The following BCKDHB variants were observed in gnomAD, a reference collection of about 807,000 sequenced individuals.
The protein encoded by BCKDHB is branched chain keto acid dehydrogenase E1 subunit beta, also known as 2-oxoisovalerate dehydrogenase subunit beta, mitochondrial.
In BCKDHB, 41 loss-of-function variants were observed where a neutral mutation model predicts 48.5. The observed-to-expected ratio is 0.85, with a 90% CI of 0.66 to 1.10. The LOEUF is 1.10. Among genes scored for constraint, BCKDHB ranks in the 50% least tolerant of loss-of-function variants. The pLI is 0.00. For missense variants in BCKDHB, 496 were observed against 494.2 expected (o/e 1.00, Z -0.03); for synonymous variants, 201 against 174.8 (o/e 1.15, Z -1.18).
Position 80,106,822 on chromosome 6 carries a change from G to C in BCKDHB, c.129G>C (p.Glu43Asp). Reference protein sequence around the residue: ...RGFLHPAATVEDAAQRRQVAH... With the variant: ...RGFLHPAATVDDAAQRRQVAH... ...TTTTGCACCCCGCCGCGACTGTCGA[G>C]GATGCGGCCCAGAGGCGGCAGGTGG... Residue 43 changes from glutamate (E) to aspartate (D), a missense_variant, in exon 1 of 10, where the codon GAG (glutamate) becomes GAC (aspartate). By Grantham distance (45) the Glu-to-Asp change is conservative. Transcript: ENST00000320393. The C allele has an allele frequency of 6.2e-7, 1 of 1,609,824 alleles. No homozygotes were observed. Among genetic ancestry groups the C allele is most frequent in the South Asian group, 1.1e-5 (1 of 90,392 alleles).
chr6:80,139,521 T>C (rs991272796), intron 3 of BCKDHB, among the ~76,000 whole-genome samples: 4 of 150,372 alleles, frequency 2.7e-5, no homozygotes, highest in African/African-American at 9.7e-5. Context: ...TTTCTACATA[T>C]GGCTAGCCAG....
At chr6:80,330,172 G>T (rs1441973970) in intron 9 of BCKDHB, among the ~76,000 whole-genome samples, 1 of 151,806 alleles carries the variant, frequency 6.6e-6, no homozygotes, top group Admixed American at 6.6e-5. Context: ...GCTTTGTGGA[G>T]AAAATAGAGA....
intron 9 of BCKDHB, among the ~76,000 whole-genome samples, chr6:80,323,936 CT>C (rs1296571074): frequency 1.3e-5 from 2 of 152,124 alleles, no homozygotes; most frequent in Non-Finnish European, 2.9e-5. Flanking sequence ...CTACGGCCGG[CT>C]AATTTTTTGT....
intron 8 of BCKDHB, 129 bp from the exon 9 acceptor site, chr6:80,273,006 A>G (rs528490227): frequency 6.6e-6 from 5 of 759,138 alleles, no homozygotes; most frequent in East Asian, 5.5e-5. Context: ...ATTGGCATAC[A>G]ATTGAATTAC....
chr6:80,331,419 A>C (rs1483768854), intron 9 of BCKDHB, among the ~76,000 whole-genome samples: 1 of 152,202 alleles, frequency 6.6e-6, no homozygotes, highest in African/African-American at 2.4e-5. Context: ...TCTCAGACAC[A>C]CAAAATGACC....
chr6:80,433,351 A>G, the BCKDHB span, among the ~76,000 whole-genome samples: 2 of 151,998 alleles, frequency 1.3e-5, no homozygotes, highest in African/African-American at 4.8e-5. Context: ...TTTTTCAGAG[A>G]TGCCCTGCCC....
At position 80,171,173 on chromosome 6, in the gene BCKDHB, C is replaced by A. The variant is rs546286010; in HGVS notation, c.634-109C>A. 3.6e-5 allele frequency: 24 copies of A among 658,078 alleles called. No individual in the cohort carries two copies. The East Asian group carries it at 6.8e-4, about 19-fold the overall frequency. 40.8% of individuals were successfully genotyped at this position (658,078 alleles called of 1,614,324 possible). A position where few individuals can be genotyped will look rare whatever the true frequency, so the allele number is the denominator to read the frequency against. On this transcript the variant is annotated intron_variant, in intron 5 of 9. Coordinates refer to ENST00000320393, the MANE Select transcript of BCKDHB (RefSeq NM_183050.4). ...TAGGCTTAAAATAAATAGCCAATAT[C>A]TATTTTTAATTAGTAACAATTGATT... is the stretch of plus-strand genomic sequence containing the variant.
rs907232647 is a variant in BCKDHB at position 80,169,926 on chromosome 6, G to A, written c.633+896G>A. 1.3e-5 allele frequency: 19 copies of A among 1,516,918 alleles called. No individual in the cohort carries two copies. The Admixed American group carries it at 1.6e-4, about 13-fold the overall frequency. The allele number at this position is 1,516,918 out of a possible 1,614,324, so 94.0% of individuals were successfully genotyped here. A position where few individuals can be genotyped will look rare whatever the true frequency, so the allele number is the denominator to read the frequency against. ...CGAGGCAAGTTATTTTTGTGCTTGA[G>A]CTAAACATTAATTCACATTTAATAT... On this transcript the variant is annotated intron_variant, in intron 5 of 9. Coordinates refer to ENST00000320393, the MANE Select transcript of BCKDHB (RefSeq NM_183050.4).
intron 8 of BCKDHB, among the ~76,000 whole-genome samples, chr6:80,222,486 T>G (rs1775502042): frequency 6.6e-6 from 1 of 152,138 alleles, no homozygotes; most frequent in South Asian, 2.1e-4. Flanking sequence ...ACAGACTCAT[T>G]GCTTTTTCCT....
chr6:80,188,343 G>A (rs1360095859), intron 6 of BCKDHB, among the ~76,000 whole-genome samples: 1 of 152,070 alleles, frequency 6.6e-6, no homozygotes, highest in Admixed American at 6.6e-5. Flanking sequence ...ACAGACACTG[G>A]GGATCTACCT....
the BCKDHB span, among the ~76,000 whole-genome samples, chr6:80,431,167 G>A: frequency 6.6e-6 from 1 of 152,182 alleles, no homozygotes; most frequent in Non-Finnish European, 1.5e-5. Flanking sequence ...TAATTTGATT[G>A]CACTGTGGAC....
chr6:80,227,560 T>G (rs1775732999), intron 8 of BCKDHB, among the ~76,000 whole-genome samples: 1 of 152,216 alleles, frequency 6.6e-6, no homozygotes, highest in South Asian at 2.1e-4. Context: ...GTCCCAGAAG[T>G]ATGCTATGTC....
the BCKDHB span, among the ~76,000 whole-genome samples, chr6:80,401,181 T>C: frequency 2.0e-5 from 3 of 151,898 alleles, no homozygotes; most frequent in Non-Finnish European, 4.4e-5. Flanking sequence ...TTTACCTATA[T>C]AGCAAACCTG....
the BCKDHB span, among the ~76,000 whole-genome samples, chr6:80,439,708 T>G: frequency 0.022 from 3,360 of 152,268 alleles, 132 homozygotes; most frequent in African/African-American, 0.075. Flanking sequence ...TAAGAAGAAT[T>G]TAATGTCTAG....
intron 8 of BCKDHB, among the ~76,000 whole-genome samples, chr6:80,221,717 T>G (rs2127863022): frequency 6.6e-6 from 1 of 152,298 alleles, no homozygotes; most frequent in African/African-American, 2.4e-5. Context: ...CAATTTGAAC[T>G]TATTGAATTA....
chr6:80,243,943 A>G (rs950069864), intron 8 of BCKDHB, among the ~76,000 whole-genome samples: 5 of 152,244 alleles, frequency 3.3e-5, no homozygotes, highest in Admixed American at 3.3e-4. Context: ...TAAATAATTT[A>G]TCTAAAGATG....
the BCKDHB span, among the ~76,000 whole-genome samples, chr6:80,352,908 G>A: frequency 2.6e-5 from 4 of 152,088 alleles, no homozygotes; most frequent in African/African-American, 9.7e-5. Flanking sequence ...AGTTTATTTT[G>A]TTTTTAATTT....
chr6:80,130,999 G>A (rs1770600426), intron 3 of BCKDHB, among the ~76,000 whole-genome samples: 1 of 152,132 alleles, frequency 6.6e-6, no homozygotes, highest in Admixed American at 6.5e-5. Context: ...ACTGTTCTGA[G>A]TGTATTACAT....
intron 3 of BCKDHB, among the ~76,000 whole-genome samples, chr6:80,161,494 A>T (rs1486716414): frequency 6.6e-6 from 1 of 152,168 alleles, no homozygotes; most frequent in Middle Eastern, 3.2e-3. Flanking sequence ...TATCTAATTT[A>T]TCCTTTCAAA....
Sources: gnomAD v4.1 joint callset for allele counts (sites outside exome capture counted in the v4.1 genomes callset) on GRCh38, gnomAD v4.1.1 for gene constraint, MANE v1.5 for transcripts, NCBI Gene and HGNC (gene_info 2026-07-23, HGNC 2026-07-21) for gene names.